PLS3: variants seen among roughly 807,000 people sequenced by gnomAD.
PLS3 encodes plastin 3.
In PLS3, 11 loss-of-function variants were observed where a neutral mutation model predicts 46.5. The ratio of observed to expected loss-of-function variants is 0.24; its 90% CI spans 0.15 to 0.39. The LOEUF (loss-of-function observed/expected upper bound fraction) is 0.39. Among genes scored for constraint, PLS3 ranks in the 10% least tolerant of loss-of-function variants. PLS3 has a pLI of 1.00. For synonymous variants in PLS3, 167 were observed against 162.2 expected, an observed-to-expected ratio of 1.03 and a Z score of -0.22; for missense variants, 308 against 461.8, an observed-to-expected ratio of 0.67 and a Z score of 3.05.
At chrX:115,607,752 C>T (rs1200630942) in intron 1 of PLS3, among the ~76,000 whole-genome samples, 2 of 112,131 alleles carry the variant, frequency 1.8e-5, no homozygotes, top group Non-Finnish European at 3.8e-5. Context: ...ATCCACCCGC[C>T]TCCACCTCCC....
chrX:115,645,149 T>A, intron 11 of PLS3, 50 bp downstream of exon 11: 1 of 713,340 alleles, frequency 1.4e-6, no homozygotes, highest in Non-Finnish European at 2.2e-6. Flanking sequence ...CATGAATGGA[T>A]GTTAAATAAT....
intron 9 of PLS3, among the ~76,000 whole-genome samples, chrX:115,641,525 C>T (rs782043964): frequency 2.2e-4 from 24 of 111,023 alleles, no homozygotes; most frequent in Non-Finnish European, 3.6e-4. Context: ...CCGTGCCTTA[C>T]GTGGCTAAAC....
chrX:115,583,731 G>A (rs1320763994), intron 1 of PLS3, among the ~76,000 whole-genome samples: 2 of 112,207 alleles, frequency 1.8e-5, no homozygotes, highest in Non-Finnish European at 3.8e-5. Context: ...GACTAGGGCA[G>A]GCTGGCAGGA....
In PLS3 at chrX:115,610,232, T is replaced by A. The variant is rs2074534958; in HGVS notation, c.-8-11T>A. ...TTTTTAAAGTCTGAAACGTTTTTGG[T>A]TTTTCTTTAGATCTTTAAATGGATG... On this transcript the variant is annotated splice_polypyrimidine_tract_variant and intron_variant, in intron 1 of 15. Transcript: ENST00000355899. The A allele has an allele frequency of 1.9e-6, 2 of 1,073,877 alleles. No individual in the cohort carries two copies. Among genetic ancestry groups the A allele is most frequent in the Non-Finnish European group, 2.5e-6 (2 of 795,329 alleles). 88.5% of individuals were successfully genotyped at this position (1,073,877 alleles called of 1,213,427 possible).
At chrX:115,609,920 T>A (rs2074532205) in intron 1 of PLS3, among the ~76,000 whole-genome samples, 1 of 112,200 alleles carries the variant, frequency 8.9e-6, no homozygotes, top group Admixed American at 9.5e-5. Flanking sequence ...TAGCTTTGGC[T>A]CATATAACCA....
At chrX:115,613,980 TA>T (rs1429618273) in intron 2 of PLS3, among the ~76,000 whole-genome samples, 3 of 112,069 alleles carry the variant, frequency 2.7e-5, no homozygotes, top group African/African-American at 9.7e-5. Context: ...TTTGTTTATT[TA>T]TTTTTTTTGA....
At chrX:115,625,039 T>C (rs1192151387) in intron 3 of PLS3, among the ~76,000 whole-genome samples, 3 of 111,979 alleles carry the variant, frequency 2.7e-5, no homozygotes, top group African/African-American at 9.7e-5. Context: ...ACTACTACTA[T>C]GACTGTATTA....
intron 1 of PLS3, among the ~76,000 whole-genome samples, chrX:115,579,321 A>G (rs1164584821): frequency 1.8e-5 from 2 of 112,143 alleles, no homozygotes; most frequent in Non-Finnish European, 3.8e-5. Context: ...CACCCATTGA[A>G]GGATATCTGG....
In PLS3 at chrX:115,631,537, A is replaced by T. The variant is rs1432542518; in HGVS notation, c.500+1570A>T. Among the ~76,000 whole-genome samples the T allele has an allele frequency of 2.9e-4, 32 of 110,485 alleles. No homozygotes were observed. The Admixed American group carries it at 3.1e-3, about 11-fold the overall frequency. ...TCGCTGAAGACCAGGAGTTAGGTCC[A>T]GTCTGGGCAACAAAACGAGACCCTG... On this transcript the variant is annotated intron_variant, in intron 5 of 15. Coordinates refer to ENST00000355899, the MANE Select transcript of PLS3 (RefSeq NM_005032.7).
At chrX:115,610,218 T>C (rs782364144) in intron 1 of PLS3, 25 bp from the exon 2 acceptor site, 2 of 868,270 alleles carry the variant, frequency 2.3e-6, no homozygotes, top group Non-Finnish European at 1.6e-6. Context: ...TTTTAAAGTC[T>C]GAAACGTTTT....
chrX:115,635,665 A>G (rs1214068787), intron 7 of PLS3, among the ~76,000 whole-genome samples: 2 of 106,167 alleles, frequency 1.9e-5, no homozygotes, highest in Non-Finnish European at 3.9e-5. Context: ...AAAAAAAAAA[A>G]AAAAGAAAGA....
intron 1 of PLS3, among the ~76,000 whole-genome samples, chrX:115,564,808 T>G (rs1603213263): frequency 8.9e-6 from 1 of 112,143 alleles, no homozygotes; most frequent in African/African-American, 3.2e-5. Context: ...TAAAATAAAA[T>G]TTGAAAATGA....
At chrX:115,633,296 G>A (rs1278985783) in intron 5 of PLS3, among the ~76,000 whole-genome samples, 3 of 108,586 alleles carry the variant, frequency 2.8e-5, no homozygotes, top group African/African-American at 6.7e-5. Context: ...GCAGTCTCCC[G>A]ACTAGCTGGG....
rs2074742676 is a variant in PLS3 at position 115,629,443 on chromosome X, C to G, written c.367+116C>G. ...TCTAATTAAGAATACAGTAGAAGTCCTTTGTGACATGTATTTAGGCTTGAG... is the reference window on the plus strand; with the variant it reads ...TCTAATTAAGAATACAGTAGAAGTCGTTTGTGACATGTATTTAGGCTTGAG... On this transcript the variant is annotated intron_variant, in intron 4 of 15. Transcript: ENST00000355899. The G allele has an allele frequency of 4.9e-6, 3 of 617,347 alleles. No individual in the cohort carries two copies. The South Asian group carries it at 9.8e-5, about 20-fold the overall frequency. 50.9% of individuals were successfully genotyped at this position (617,347 alleles called of 1,213,427 possible).
intron 9 of PLS3, among the ~76,000 whole-genome samples, chrX:115,641,002 T>C (rs2074889248): frequency 9.0e-6 from 1 of 110,944 alleles, no homozygotes; most frequent in Non-Finnish European, 1.9e-5. Context: ...CTAATTTGTT[T>C]AGTGACATTG....
intron 1 of PLS3, among the ~76,000 whole-genome samples, chrX:115,608,527 A>T (rs1271630799): frequency 8.9e-6 from 1 of 112,140 alleles, no homozygotes; most frequent in East Asian, 2.8e-4. Context: ...GTAATGATGT[A>T]AGTTCATCAG....
At chrX:115,567,137 T>A (rs907429697) in intron 1 of PLS3, among the ~76,000 whole-genome samples, 22 of 112,093 alleles carry the variant, frequency 2.0e-4, no homozygotes, top group African/African-American at 5.5e-4. Context: ...CCATACCTCA[T>A]TTTTAGTTTT....
At chrX:115,644,077 C>T (rs1165205560) in intron 10 of PLS3, among the ~76,000 whole-genome samples, 1 of 110,968 alleles carries the variant, frequency 9.0e-6, no homozygotes, top group Non-Finnish European at 1.9e-5. Flanking sequence ...CTTTTTAATC[C>T]TCTCACCAGG....
intron 1 of PLS3, among the ~76,000 whole-genome samples, chrX:115,587,604 G>A (rs1483389862): frequency 5.4e-5 from 6 of 110,765 alleles, no homozygotes; most frequent in East Asian, 5.7e-4. Flanking sequence ...GCGTGGTGGC[G>A]GGCACCTGTA....
Sources: gnomAD v4.1 joint callset for allele counts (sites outside exome capture counted in the v4.1 genomes callset) on GRCh38, gnomAD v4.1.1 for gene constraint, MANE v1.5 for transcripts, NCBI Gene and HGNC (gene_info 2026-07-23, HGNC 2026-07-21) for gene names.